Variants in BRD10 observed in about 807,000 individuals in gnomAD.
The protein encoded by BRD10 is uncharacterized bromodomain-containing protein 10.
the BRD10 span, chr9:6,007,841 G>T: frequency 1.6e-5 from 22 of 1,389,806 alleles, no homozygotes; most frequent in African/African-American, 4.6e-5. Context: ...GGTGCTGGGG[G>T]ACGCGTGAGC....
chr9:5,965,132 A>G, the BRD10 span, among the ~76,000 whole-genome samples: 1 of 152,014 alleles, frequency 6.6e-6, no homozygotes, highest in Non-Finnish European at 1.5e-5. Context: ...AGATACTACC[A>G]AAAATTAAAG....
At chr9:5,971,472 C>G in the BRD10 span, among the ~76,000 whole-genome samples, 1 of 152,122 alleles carries the variant, frequency 6.6e-6, no homozygotes, top group Non-Finnish European at 1.5e-5. Flanking sequence ...AAATCAATGT[C>G]TGACACTGGC....
chr9:5,964,110 G>A, the BRD10 span, among the ~76,000 whole-genome samples: 39 of 151,948 alleles, frequency 2.6e-4, no homozygotes, highest in Admixed American at 2.4e-3. Flanking sequence ...CCATCAGAGT[G>A]AACAGGCAAC....
chr9:5,988,608 G>T, the BRD10 span: 2 of 1,201,958 alleles, frequency 1.7e-6, no homozygotes, highest in Non-Finnish European at 2.4e-6. Flanking sequence ...AACCCCCTTA[G>T]CCAGCAACTT....
the BRD10 span, chr9:5,923,350 G>T: frequency 7.0e-7 from 1 of 1,424,940 alleles, no homozygotes; most frequent in Non-Finnish European, 9.6e-7. Context: ...ATATAAAACA[G>T]CAACTAAATA....
chr9:5,920,575 T>C, the BRD10 span: 10 of 1,613,962 alleles, frequency 6.2e-6, no homozygotes, highest in South Asian at 8.8e-5. Flanking sequence ...ACAATTCAGT[T>C]TGAGGTTTAT....
At chr9:5,902,372 C>A in the BRD10 span, among the ~76,000 whole-genome samples, 12 of 152,234 alleles carry the variant, frequency 7.9e-5, no homozygotes, top group East Asian at 2.3e-3. Flanking sequence ...TATTTCTTAG[C>A]CTAGCTAAAG....
chr9:5,975,194 G>T, the BRD10 span, among the ~76,000 whole-genome samples: 1 of 152,064 alleles, frequency 6.6e-6, no homozygotes, highest in Non-Finnish European at 1.5e-5. Flanking sequence ...CCAGCACTTT[G>T]GGAGGCTGAG....
At chr9:5,905,127 T>C in the BRD10 span, among the ~76,000 whole-genome samples, 1 of 152,196 alleles carries the variant, frequency 6.6e-6, no homozygotes, top group Non-Finnish European at 1.5e-5. Context: ...GCAACATACA[T>C]TTACAACTAA....
the BRD10 span, among the ~76,000 whole-genome samples, chr9:5,996,963 G>T: frequency 6.6e-6 from 1 of 152,162 alleles, no homozygotes; most frequent in South Asian, 2.1e-4. Context: ...TGCAAAGTAC[G>T]CAGGTAAATA....
chr9:5,964,306 T>C, the BRD10 span, among the ~76,000 whole-genome samples: 4 of 150,496 alleles, frequency 2.7e-5, no homozygotes, highest in Non-Finnish European at 5.9e-5. Context: ...CATGAAAAAA[T>C]GCTCACCATC....
At chr9:5,934,531 A>T in the BRD10 span, among the ~76,000 whole-genome samples, 2 of 151,224 alleles carry the variant, frequency 1.3e-5, no homozygotes, top group South Asian at 2.1e-4. Flanking sequence ...ACTAATTTTA[A>T]ATTTTTGTTT....
the BRD10 span, among the ~76,000 whole-genome samples, chr9:5,926,795 T>G: frequency 6.6e-6 from 1 of 152,206 alleles, no homozygotes; most frequent in African/African-American, 2.4e-5. Context: ...CCTCCCAAAG[T>G]GGCTTTTAAT....
the BRD10 span, among the ~76,000 whole-genome samples, chr9:6,001,949 C>A: frequency 6.6e-6 from 1 of 152,134 alleles, no homozygotes; most frequent in African/African-American, 2.4e-5. Context: ...TAAGACACTA[C>A]ATAGAATTTC....
chr9:5,951,187 T>G, the BRD10 span, among the ~76,000 whole-genome samples: 2 of 152,034 alleles, frequency 1.3e-5, no homozygotes, highest in African/African-American at 2.4e-5. Context: ...GTGCAGATAT[T>G]AGGTGTGTAT....
the BRD10 span, among the ~76,000 whole-genome samples, chr9:5,982,919 T>C: frequency 4.1e-4 from 62 of 152,176 alleles, no homozygotes; most frequent in Admixed American, 2.1e-3. Context: ...CAGAAATCTA[T>C]ATTGTATTTT....
chr9:5,947,837 G>C, the BRD10 span, among the ~76,000 whole-genome samples: 2 of 152,036 alleles, frequency 1.3e-5, no homozygotes, highest in African/African-American at 4.8e-5. Flanking sequence ...CTTAAAAAAG[G>C]AGAACAAAGA....
chr9:5,912,469 C>G, the BRD10 span, among the ~76,000 whole-genome samples: 3 of 151,958 alleles, frequency 2.0e-5, no homozygotes, highest in Admixed American at 6.6e-5. Context: ...GGTTGGGGAA[C>G]GGGCCTTGAA....
chr9:5,943,287 T>C, the BRD10 span, among the ~76,000 whole-genome samples: 44 of 152,286 alleles, frequency 2.9e-4, no homozygotes, highest in Admixed American at 1.8e-3. Flanking sequence ...TCCTATAATA[T>C]ATACCATAAG....
Sources: gnomAD v4.1 joint callset for allele counts (sites outside exome capture counted in the v4.1 genomes callset) on GRCh38, gnomAD v4.1.1 for gene constraint, MANE v1.5 for transcripts, NCBI Gene and HGNC (gene_info 2026-07-23, HGNC 2026-07-21) for gene names.